The following CA10 variants were observed in gnomAD, a reference collection of about 807,000 sequenced individuals.
The protein encoded by CA10 is carbonic anhydrase 10 (inactive), also known as carbonic anhydrase-related protein 10.
In CA10, 14 loss-of-function variants were observed where a neutral mutation model predicts 44.2. That is an observed-to-expected ratio of 0.32 (90% CI 0.21 to 0.50). The LOEUF (loss-of-function observed/expected upper bound fraction) is 0.50. CA10 is among the 20% of genes least tolerant of loss of function. The pLI, the probability that CA10 is intolerant of heterozygous loss-of-function variation, is 0.99. For synonymous variants in CA10, 159 were observed against 141.6 expected (o/e 1.12, Z -0.87); for missense variants, 350 against 409.7 (o/e 0.85, Z 1.26).
At chr17:51,713,156 T>A (rs1915997436) in intron 4 of CA10, among the ~76,000 whole-genome samples, 2 of 152,158 alleles carry the variant, frequency 1.3e-5, no homozygotes, top group African/African-American at 4.8e-5. Context: ...TTTTCCTACT[T>A]TAGAGATGTG....
At chr17:51,737,617 C>G (rs1916955385) in intron 4 of CA10, among the ~76,000 whole-genome samples, 1 of 152,160 alleles carries the variant, frequency 6.6e-6, no homozygotes, top group African/African-American at 2.4e-5. Flanking sequence ...TGAATTCTGC[C>G]TTTTCCAAGA....
At chr17:51,871,640 C>G in intron 3 of CA10, among the ~76,000 whole-genome samples, 1 of 152,026 alleles carries the variant, frequency 6.6e-6, no homozygotes, top group East Asian at 1.9e-4. Context: ...CTGCCTCAGC[C>G]TCCCAAAGTG....
intron 4 of CA10, among the ~76,000 whole-genome samples, chr17:51,680,186 A>G (rs28699358): frequency 0.12 from 18,752 of 152,190 alleles, 2,668 homozygotes; most frequent in African/African-American, 0.34. Flanking sequence ...TTCATCAGGG[A>G]AGACTTCATG....
chr17:51,881,519 C>A (rs1980374726), intron 3 of CA10, among the ~76,000 whole-genome samples: 3 of 151,978 alleles, frequency 2.0e-5, no homozygotes, highest in Non-Finnish European at 2.9e-5. Context: ...AAATTTGCAA[C>A]ACCTAAAACA....
At chr17:52,105,937 A>G (rs1988652319) in intron 1 of CA10, among the ~76,000 whole-genome samples, 1 of 152,262 alleles carries the variant, frequency 6.6e-6, no homozygotes, top group Non-Finnish European at 1.5e-5. Flanking sequence ...GCCCTAGTAC[A>G]TAGTAAATGC....
At position 51,633,576 on chromosome 17, in the gene CA10, A is replaced by G. The variant is rs1005348780; in HGVS notation, c.864T>C (p.Pro288=). Residue 288 remains proline, a synonymous_variant, in exon 8 of 9, where the codon CCT becomes CCC. Transcript: ENST00000451037. ...IFLSMSDNFR[P]VQPLNNRCIR... is the part of the protein sequence containing the mutation. ...TGCAGCGGTTGTTGAGTGGCTGGAC[A>G]GGCCTGAAGTTGTCACTCATGCTCA... 6.2e-7 allele frequency: 1 copy of G among 1,614,034 alleles called. No individual in the cohort carries two copies. Among genetic ancestry groups the G allele is most frequent in the Non-Finnish European group, 8.5e-7 (1 of 1,179,936 alleles).
At chr17:51,667,008 T>C (rs778721765) in intron 4 of CA10, among the ~76,000 whole-genome samples, 1 of 152,220 alleles carries the variant, frequency 6.6e-6, no homozygotes, top group African/African-American at 2.4e-5. Context: ...AGTACCCACA[T>C]TTATGTGGAA....
At chr17:51,940,783 C>T (rs532743641) in intron 2 of CA10, among the ~76,000 whole-genome samples, 28 of 152,102 alleles carry the variant, frequency 1.8e-4, no homozygotes, top group African/African-American at 6.0e-4. Context: ...TGCTATACTT[C>T]CTCCCTAACC....
At chr17:51,800,841 T>A (rs576211747) in intron 3 of CA10, among the ~76,000 whole-genome samples, 1 of 152,364 alleles carries the variant, frequency 6.6e-6, no homozygotes, top group East Asian at 1.9e-4. Flanking sequence ...TAGGCTCAGA[T>A]ATCTTTCCTA....
chr17:51,675,729 A>G (rs181607122), intron 4 of CA10, among the ~76,000 whole-genome samples: 1 of 152,070 alleles, frequency 6.6e-6, no homozygotes, highest in Admixed American at 6.5e-5. Flanking sequence ...AAAAAAAACA[A>G]AAACAAAAAA....
rs916892095 is a variant in CA10, at chr17:51,697,943, A to G, written c.466-44207T>C. Among the ~76,000 whole-genome samples, 45 of 152,094 alleles carry G rather than the reference A, an allele frequency of 3.0e-4. 2 individuals are homozygous for G. The highest frequency in any genetic ancestry group is 3.3e-4 in the Admixed American group (5 of 15,256). On this transcript the variant is annotated intron_variant, in intron 4 of 8. Transcript: ENST00000451037. ...GCAGGTGTCACCCTCCTTTTTGACT[A>G]CTACCCTGATGTCTCCTCCAGTCAT... is the stretch of plus-strand genomic sequence containing the variant.
At chr17:51,912,428 A>G (rs1981826630) in intron 3 of CA10, among the ~76,000 whole-genome samples, 1 of 152,152 alleles carries the variant, frequency 6.6e-6, no homozygotes, top group South Asian at 2.1e-4. Context: ...CATCCTGCCA[A>G]CTTCATAGTT....
At chr17:52,039,395 G>T (rs181024806) in intron 2 of CA10, among the ~76,000 whole-genome samples, 43 of 152,068 alleles carry the variant, frequency 2.8e-4, no homozygotes, top group Admixed American at 1.3e-3. Context: ...TAAACAGCAG[G>T]CCCTGGCTTT....
intron 2 of CA10, among the ~76,000 whole-genome samples, chr17:51,942,442 G>A (rs1983115196): frequency 1.3e-5 from 2 of 151,704 alleles, no homozygotes; most frequent in Non-Finnish European, 2.9e-5. Flanking sequence ...ATGATATAGT[G>A]TCTTGACCAA....
At chr17:51,665,502 T>A (rs1323853244) in intron 4 of CA10, among the ~76,000 whole-genome samples, 1 of 152,114 alleles carries the variant, frequency 6.6e-6, no homozygotes, top group East Asian at 1.9e-4. Context: ...CTCTTGAGTT[T>A]CCATCAAAGT....
chr17:51,916,238 A>T (rs927557224), intron 3 of CA10, among the ~76,000 whole-genome samples: 7 of 152,222 alleles, frequency 4.6e-5, no homozygotes, highest in Admixed American at 1.3e-4. Context: ...CTGGTAAAGA[A>T]GTTGAGAACA....
rs550609311 is a variant in CA10 at position 51,753,963 on chromosome 17, C to A, written c.280-6145G>T. On this transcript the variant is annotated intron_variant, in intron 3 of 8. Transcript: ENST00000451037. ...GGTTCAAGTGATTCTCCCTCCACAG[C>A]CTCCCAAGTAGCTGGGATTACAGGT... 1.8e-4 allele frequency among the ~76,000 whole-genome samples: 28 copies of A among 152,248 alleles called. No homozygotes were observed. In the East Asian group the frequency reaches 5.0e-3, roughly 27 times the overall value.
At chr17:51,686,106 C>A (rs1422308617) in intron 4 of CA10, among the ~76,000 whole-genome samples, 1 of 152,092 alleles carries the variant, frequency 6.6e-6, no homozygotes, top group Non-Finnish European at 1.5e-5. Context: ...TCTGTTTCCC[C>A]CATACTGTTC....
chr17:51,731,891 T>A (rs1916737620), intron 4 of CA10, among the ~76,000 whole-genome samples: 1 of 152,034 alleles, frequency 6.6e-6, no homozygotes, highest in Non-Finnish European at 1.5e-5. Flanking sequence ...GCCAGGCTGG[T>A]CTCGAACTCC....
Sources: gnomAD v4.1 joint callset for allele counts (sites outside exome capture counted in the v4.1 genomes callset) on GRCh38, gnomAD v4.1.1 for gene constraint, MANE v1.5 for transcripts, NCBI Gene and HGNC (gene_info 2026-07-23, HGNC 2026-07-21) for gene names.